ABTB2: variants seen among roughly 807,000 people sequenced by gnomAD.
The protein encoded by ABTB2 is ankyrin repeat and BTB/POZ domain-containing protein 2.
Under a neutral mutation model 104.1 loss-of-function variants are expected in ABTB2, and 56 were observed. The observed-to-expected ratio is 0.54, with a 90% CI of 0.43 to 0.67. ABTB2 has a LOEUF of 0.67. Ranked by LOEUF, ABTB2 falls within the 30% of genes least tolerant of loss-of-function variation. The pLI, the probability that ABTB2 is intolerant of heterozygous loss-of-function variation, is 0.00. For missense variants in ABTB2, 1,279 were observed against 1,407.7 expected, an observed-to-expected ratio of 0.91 and a Z score of 1.46; for synonymous variants, 606 against 608.2, an observed-to-expected ratio of 1.00 and a Z score of 0.05.
At chr11:34,343,503 C>G (rs952169442) in intron 1 of ABTB2, among the ~76,000 whole-genome samples, 4 of 152,084 alleles carry the variant, frequency 2.6e-5, no homozygotes, top group African/African-American at 9.7e-5. Flanking sequence ...GAGACAGAGT[C>G]TCGCTCTGTT....
At chr11:34,168,073 C>A (rs1220061792) in intron 5 of ABTB2, 81 bp from the exon 6 acceptor site, 14 of 1,428,654 alleles carry the variant, frequency 9.8e-6, no homozygotes, top group Non-Finnish European at 1.3e-5. Context: ...GCCCCAGAAA[C>A]CACAGATCGG....
At chr11:34,279,875 G>C (rs1854430363) in intron 1 of ABTB2, among the ~76,000 whole-genome samples, 1 of 146,678 alleles carries the variant, frequency 6.8e-6, no homozygotes, top group African/African-American at 2.6e-5. Flanking sequence ...TGCAACCTTG[G>C]CCTCCCGGGT....
At position 34,160,271 on chromosome 11, in the gene ABTB2, C is replaced by CGGATCT. The variant is rs1565127451; in HGVS notation, c.2474_2479dup (p.Ile826_Arg827insGlnIle). On this transcript the variant is annotated inframe_insertion, in exon 12 of 17. Transcript: ENST00000435224. Reference sequence around the variant, plus strand: ...ACCTAGCCTGGCCGGCAGGGTCTTCCGGATCTCTGGGATGCTGGGGATGGG... The same window carrying CGGATCT: ...ACCTAGCCTGGCCGGCAGGGTCTTCCGGATCTGGATCTCTGGGATGCTGGGGATGGG... 2 of 1,614,050 alleles carry CGGATCT rather than the reference C, an allele frequency of 1.2e-6. No homozygotes were observed. Among genetic ancestry groups the CGGATCT allele is most frequent in the Non-Finnish European group, 8.5e-7 (1 of 1,179,984 alleles).
intron 10 of ABTB2, among the ~76,000 whole-genome samples, chr11:34,161,876 G>A (rs955271738): frequency 1.3e-5 from 2 of 152,180 alleles, no homozygotes; most frequent in Non-Finnish European, 2.9e-5. Flanking sequence ...TGGGAGTGAC[G>A]TCTCTGTTTT....
intron 5 of ABTB2, among the ~76,000 whole-genome samples, chr11:34,168,837 C>T (rs1264965117): frequency 6.6e-6 from 1 of 152,264 alleles, no homozygotes; most frequent in East Asian, 1.9e-4. Flanking sequence ...GGCTGGGAAT[C>T]CTCCTCTGTG....
intron 1 of ABTB2, among the ~76,000 whole-genome samples, chr11:34,244,520 T>C (rs1233475371): frequency 6.6e-6 from 1 of 152,232 alleles, no homozygotes; most frequent in Non-Finnish European, 1.5e-5. Context: ...AGCACTTACT[T>C]GCTGCCTGCA....
At chr11:34,156,016 G>A (rs1852620322) in intron 14 of ABTB2, among the ~76,000 whole-genome samples, 1 of 152,194 alleles carries the variant, frequency 6.6e-6, no homozygotes. Flanking sequence ...AGGCAGGCAG[G>A]TCAGATCTTC....
intron 1 of ABTB2, among the ~76,000 whole-genome samples, chr11:34,260,678 T>C (rs977059503): frequency 6.6e-6 from 1 of 152,208 alleles, no homozygotes; most frequent in Non-Finnish European, 1.5e-5. Context: ...TCACAGGTTT[T>C]CTTAAAGCAT....
rs542131675 is a variant in ABTB2, at chr11:34,159,471, G to A, written c.2607-85C>T. ...CGATGGCACCATCTGTCACCTGACCGGCTACCACAAGACGGAACATTTTAA... is the reference window on the plus strand; with the variant it reads ...CGATGGCACCATCTGTCACCTGACCAGCTACCACAAGACGGAACATTTTAA... On this transcript the variant is annotated intron_variant, in intron 13 of 16. Coordinates refer to ENST00000435224, the MANE Select transcript of ABTB2 (RefSeq NM_145804.3). 8.8e-5 allele frequency: 77 copies of A among 877,932 alleles called. No individual in the cohort carries two copies. The African/African-American group carries it at 9.9e-4, about 11-fold the overall frequency. The allele number at this position is 877,932 out of a possible 1,614,324, so 54.4% of individuals were successfully genotyped here. A position where few individuals can be genotyped will look rare whatever the true frequency, so the allele number is the denominator to read the frequency against.
rs1257760197 is a variant in ABTB2, at chr11:34,197,502, C to T, written c.1067G>A (p.Gly356Glu). ...LVSRAMHHMQ[G>E]RHPLCPGASP... ...GGCACCCGGGCACAGGGGGTGACGC[C>T]CCTGCATGTGGTGCATGGCACGGGA... The change falls in exon 3 of 17, where the codon GGG becomes GAG. Residue 356 changes from glycine (G) to glutamate (E), a missense_variant. Gly to Glu is a moderately conservative substitution (Grantham distance 98). Coordinates refer to ENST00000435224, the MANE Select transcript of ABTB2 (RefSeq NM_145804.3). The T allele has an allele frequency of 6.3e-7, 1 of 1,580,562 alleles. No individual in the cohort carries two copies. The highest frequency in any genetic ancestry group is 2.2e-5 in the East Asian group (1 of 44,564).
At chr11:34,216,322 A>G (rs963233139) in intron 1 of ABTB2, among the ~76,000 whole-genome samples, 3 of 152,140 alleles carry the variant, frequency 2.0e-5, no homozygotes, top group Non-Finnish European at 2.9e-5. Context: ...TGCTCTGCCT[A>G]TTCATCCCTC....
At chr11:34,300,714 T>TG (rs1388145833) in intron 1 of ABTB2, among the ~76,000 whole-genome samples, 6 of 149,624 alleles carry the variant, frequency 4.0e-5, no homozygotes, top group Non-Finnish European at 3.0e-5. Context: ...AAAAGAAAAC[T>TG]GGGGGGTGGG....
chr11:34,206,751 C>T (rs898742620), intron 1 of ABTB2, among the ~76,000 whole-genome samples: 44 of 152,138 alleles, frequency 2.9e-4, no homozygotes, highest in Non-Finnish European at 1.3e-4. Flanking sequence ...TCAGTGTGTT[C>T]TCTGACCGTT....
Position 34,157,885 on chromosome 11 carries a change from G to A in ABTB2, c.2697+1411C>T, listed in dbSNP as rs73505472. Among the ~76,000 whole-genome samples the A allele has an allele frequency of 7.6e-3, 1,155 of 152,322 alleles. 20 individuals carry two copies. Among genetic ancestry groups the A allele is most frequent in the African/African-American group, 0.026 (1,085 of 41,564 alleles). On this transcript the variant is annotated intron_variant, in intron 14 of 16. Transcript: ENST00000435224. ...TCCATCCCTTCTTACCGCTGCAAATGCAAACTTGGCTGTTTTGCACATCCT... is the reference window on the plus strand; with the variant it reads ...TCCATCCCTTCTTACCGCTGCAAATACAAACTTGGCTGTTTTGCACATCCT...
intron 1 of ABTB2, among the ~76,000 whole-genome samples, chr11:34,282,793 A>G (rs1854461987): frequency 6.6e-6 from 1 of 152,038 alleles, no homozygotes; most frequent in African/African-American, 2.4e-5. Flanking sequence ...CGGCCTCCCA[A>G]AATGCTGGGA....
intron 1 of ABTB2, among the ~76,000 whole-genome samples, chr11:34,204,995 C>G (rs1447817229): frequency 1.3e-5 from 2 of 152,224 alleles, no homozygotes; most frequent in East Asian, 3.9e-4. Flanking sequence ...CATTCACTCA[C>G]TTGCTGAATA....
At chr11:34,288,926 C>T (rs1230508515) in intron 1 of ABTB2, among the ~76,000 whole-genome samples, 3 of 152,176 alleles carry the variant, frequency 2.0e-5, no homozygotes, top group Admixed American at 1.3e-4. Context: ...CACATACTCC[C>T]AATCCCTACC....
At chr11:34,199,992 A>G (rs1853316592) in intron 2 of ABTB2, among the ~76,000 whole-genome samples, 1 of 152,152 alleles carries the variant, frequency 6.6e-6, no homozygotes, top group South Asian at 2.1e-4. Flanking sequence ...AGGAGTCTGC[A>G]CCCTGAAATG....
chr11:34,154,472 G>T lies in ABTB2; in HGVS notation c.2767-94C>A. 1 of 968,660 alleles carries T rather than the reference G, an allele frequency of 1.0e-6. No homozygotes were observed. Among genetic ancestry groups the T allele is most frequent in the Non-Finnish European group, 1.6e-6 (1 of 631,364 alleles). The allele number at this position is 968,660 out of a possible 1,614,324, so 60.0% of individuals were successfully genotyped here. A position where few individuals can be genotyped will look rare whatever the true frequency, so the allele number is the denominator to read the frequency against. ...AAAGCTCCCGAGTGCCGTGTGCCCT[G>T]CTGCCTCCACCCTCAGGCCCCACTA... On this transcript the variant is annotated intron_variant, in intron 15 of 16. Coordinates refer to ENST00000435224, the MANE Select transcript of ABTB2 (RefSeq NM_145804.3). The surrounding 1 kb of genome is among the most constrained non-coding windows in gnomAD (Gnocchi z 4.9).
Sources: allele counts gnomAD v4.1 joint callset (sites outside exome capture counted in the v4.1 genomes callset), GRCh38; gene constraint gnomAD v4.1.1; non-coding constraint Gnocchi (gnomAD v3.1); transcripts MANE v1.5; gene names NCBI Gene and HGNC (gene_info 2026-07-23, HGNC 2026-07-21).